The following SH3PXD2A variants were observed in gnomAD, a reference collection of about 807,000 sequenced individuals.
SH3PXD2A encodes SH3 and PX domain-containing protein 2A.
In SH3PXD2A, 32 loss-of-function variants were observed where a neutral mutation model predicts 115.2. The observed-to-expected ratio is 0.28, with a 90% confidence interval of 0.21 to 0.37. The LOEUF (loss-of-function observed/expected upper bound fraction) is 0.37, where lower values mean the gene tolerates loss of function less well. Among genes scored for constraint, SH3PXD2A ranks in the 10% least tolerant of loss-of-function variants. The pLI is 1.00. For missense variants in SH3PXD2A, 1,328 were observed against 1,498.7 expected (o/e 0.89, Z 1.88); for synonymous variants, 610 against 629.1 (o/e 0.97, Z 0.45).
At chr10:103,677,707 G>C (rs2037557158) in intron 6 of SH3PXD2A, among the ~76,000 whole-genome samples, 1 of 152,182 alleles carries the variant, frequency 6.6e-6, no homozygotes, top group Non-Finnish European at 1.5e-5. Flanking sequence ...GATTTGTTAT[G>C]AGTCTCTTCA....
At chr10:103,689,247 T>C (rs1481603134) in intron 6 of SH3PXD2A, among the ~76,000 whole-genome samples, 1 of 152,086 alleles carries the variant, frequency 6.6e-6, no homozygotes, top group Non-Finnish European at 1.5e-5. Flanking sequence ...AGAGAAGCAG[T>C]GAGACCAGGT....
intron 13 of SH3PXD2A, among the ~76,000 whole-genome samples, chr10:103,608,165 A>AAAGTTTAC (rs2036360580): frequency 5.5e-5 from 8 of 146,146 alleles, no homozygotes; most frequent in Non-Finnish European, 9.1e-5. Context: ...AAAAAAAAAA[A>AAAGTTTAC]AAAAAGAACA....
At chr10:103,717,861 G>C (rs2038125162) in intron 5 of SH3PXD2A, among the ~76,000 whole-genome samples, 1 of 152,112 alleles carries the variant, frequency 6.6e-6, no homozygotes. Flanking sequence ...GGAAGCAAGG[G>C]ATTCTCAGGA....
chr10:103,814,598 T>C (rs1453490599), intron 1 of SH3PXD2A, among the ~76,000 whole-genome samples: 1 of 152,192 alleles, frequency 6.6e-6, no homozygotes, highest in East Asian at 1.9e-4. Flanking sequence ...TGACCACCTG[T>C]GACTGTGATG....
chr10:103,748,308 C>A (rs188551119), intron 3 of SH3PXD2A, among the ~76,000 whole-genome samples: 29 of 152,322 alleles, frequency 1.9e-4, no homozygotes, highest in Non-Finnish European at 3.4e-4. Flanking sequence ...GTGCCACAGT[C>A]TCTTTCTTTG....
intron 3 of SH3PXD2A, among the ~76,000 whole-genome samples, chr10:103,743,143 C>T (rs901732562): frequency 3.3e-5 from 5 of 152,128 alleles, no homozygotes; most frequent in Non-Finnish European, 4.4e-5. Context: ...CGCCTCCATC[C>T]GTGTTGTTTG....
intron 1 of SH3PXD2A, among the ~76,000 whole-genome samples, chr10:103,820,974 T>C (rs1185417415): frequency 6.6e-6 from 1 of 152,152 alleles, no homozygotes; most frequent in Admixed American, 6.5e-5. Flanking sequence ...TGTAAGATCT[T>C]GGACAAATCA....
intron 5 of SH3PXD2A, among the ~76,000 whole-genome samples, chr10:103,723,114 C>T (rs540580170): frequency 2.0e-5 from 3 of 152,222 alleles, no homozygotes; most frequent in Admixed American, 6.5e-5. Context: ...GCAATGCTCA[C>T]CCTCATCTTC....
chr10:103,753,495 C>CAAAA (rs58148179), intron 3 of SH3PXD2A, among the ~76,000 whole-genome samples: 7 of 65,426 alleles, frequency 1.1e-4, no homozygotes, highest in African/African-American at 2.2e-4. Flanking sequence ...GACCCCATCT[C>CAAAA]AAAAAAAAAA....
At chr10:103,845,317 C>T (rs1014462566) in intron 1 of SH3PXD2A, among the ~76,000 whole-genome samples, 2 of 122,280 alleles carry the variant, frequency 1.6e-5, no homozygotes, top group African/African-American at 3.2e-5. Flanking sequence ...GACGACAGAG[C>T]GAGACTTCAT....
At chr10:103,773,310 T>A (rs780698832) in intron 2 of SH3PXD2A, among the ~76,000 whole-genome samples, 2 of 151,842 alleles carry the variant, frequency 1.3e-5, no homozygotes, top group Non-Finnish European at 2.9e-5. Context: ...ACCTCAGAAT[T>A]CATTTGTTCA....
At chr10:103,690,894 T>C (rs1007444701) in intron 6 of SH3PXD2A, among the ~76,000 whole-genome samples, 8 of 152,154 alleles carry the variant, frequency 5.3e-5, no homozygotes, top group South Asian at 2.1e-4. Context: ...TTTTCAACCA[T>C]GACACTAAGT....
chr10:103,663,144 C>A (rs2037337310), intron 7 of SH3PXD2A, among the ~76,000 whole-genome samples: 1 of 152,204 alleles, frequency 6.6e-6, no homozygotes. Context: ...GGCTAGGGGG[C>A]TTCATGTCAC....
intron 1 of SH3PXD2A, among the ~76,000 whole-genome samples, chr10:103,812,803 T>G (rs894668650): frequency 5.3e-5 from 8 of 152,210 alleles, no homozygotes; most frequent in Non-Finnish European, 1.2e-4. Context: ...ACAAGGCAAA[T>G]AGCTGTCATT....
chr10:103,846,911 C>T (rs114622289), intron 1 of SH3PXD2A, among the ~76,000 whole-genome samples: 1 of 152,234 alleles, frequency 6.6e-6, no homozygotes, highest in South Asian at 2.1e-4. Context: ...TCTGGCAATT[C>T]ATTTGAGCTC....
intron 3 of SH3PXD2A, among the ~76,000 whole-genome samples, chr10:103,747,941 C>A (rs1324099952): frequency 6.6e-6 from 1 of 152,120 alleles, no homozygotes; most frequent in Non-Finnish European, 1.5e-5. Flanking sequence ...TGAACCACCG[C>A]GCCTGTCCCA....
intron 3 of SH3PXD2A, chr10:103,754,110 G>C (rs2038611546): frequency 6.6e-6 from 1 of 152,114 alleles, no homozygotes; most frequent in Admixed American, 6.5e-5. Context: ...CTCCTCCCTG[G>C]CTCCTTTACT....
intron 5 of SH3PXD2A, among the ~76,000 whole-genome samples, chr10:103,706,947 C>T (rs2037988377): frequency 1.3e-5 from 2 of 152,238 alleles, no homozygotes. Context: ...CTCCTGTGCT[C>T]CGTCCTCTGT....
Position 103,620,052 on chromosome 10 carries a change from T to A in SH3PXD2A, c.802+2418A>T, listed in dbSNP as rs753610117. Among the ~76,000 whole-genome samples the A allele has an allele frequency of 6.6e-6, 1 of 152,150 alleles. No individual in the cohort carries two copies. Among genetic ancestry groups the A allele is most frequent in the African/African-American group, 2.4e-5 (1 of 41,438 alleles). On this transcript the variant is annotated intron_variant, in intron 10 of 14. Coordinates refer to ENST00000369774, the MANE Select transcript of SH3PXD2A (RefSeq NM_001394015.1). The surrounding 1 kb of genome is among the most constrained non-coding windows in gnomAD (Gnocchi z 5.3). ...ACAGGTGTCCCAAGGAAGAGAGACTTGCCTGGGCCACAAACCCCATCTGGG... is the reference window on the plus strand; with the variant it reads ...ACAGGTGTCCCAAGGAAGAGAGACTAGCCTGGGCCACAAACCCCATCTGGG...
Sources: gnomAD v4.1 joint callset for allele counts (sites outside exome capture counted in the v4.1 genomes callset) on GRCh38, gnomAD v4.1.1 for gene constraint, Gnocchi (gnomAD v3.1) non-coding constraint, MANE v1.5 for transcripts, NCBI Gene and HGNC (gene_info 2026-07-23, HGNC 2026-07-21) for gene names.